Variants in EPHB1 observed in about 807,000 individuals in gnomAD.
EPHB1 encodes the protein EPH receptor B1.
Under a neutral mutation model 94.4 loss-of-function variants are expected in EPHB1, and 30 were observed. The observed-to-expected ratio is 0.32, with a 90% CI of 0.24 to 0.43. EPHB1 has a LOEUF of 0.43. Ranked by LOEUF, EPHB1 falls within the 20% of genes least tolerant of loss-of-function variation. The probability of loss-of-function intolerance (pLI) is 1.00; values close to 1 mark genes in which losing one functional copy is unlikely to be tolerated. For synonymous variants in EPHB1, 522 were observed against 489.1 expected (o/e 1.07, Z -0.89); for missense variants, 1,055 against 1,308.3 (o/e 0.81, Z 2.99).
At chr3:134,856,882 G>A (rs1257738706) in intron 1 of EPHB1, among the ~76,000 whole-genome samples, 1 of 152,220 alleles carries the variant, frequency 6.6e-6, no homozygotes, top group Non-Finnish European at 1.5e-5. Flanking sequence ...CTATTGGACA[G>A]CACTGTTTTA....
intron 3 of EPHB1, among the ~76,000 whole-genome samples, chr3:135,003,995 G>C (rs1935291502): frequency 6.6e-6 from 1 of 151,522 alleles, no homozygotes; most frequent in Non-Finnish European, 1.5e-5. Context: ...ATTTGATCCT[G>C]TCATTATGAT....
intron 13 of EPHB1, among the ~76,000 whole-genome samples, chr3:135,244,769 A>G (rs1316249699): frequency 6.6e-6 from 1 of 152,214 alleles, no homozygotes; most frequent in African/African-American, 2.4e-5. Context: ...AAACACGCAT[A>G]TCCTAAAGAA....
chr3:135,179,446 A>T (rs187637789), intron 9 of EPHB1, among the ~76,000 whole-genome samples: 2 of 152,192 alleles, frequency 1.3e-5, no homozygotes, highest in East Asian at 1.9e-4. Flanking sequence ...AGTGGCCTCC[A>T]CTCAGGAAAG....
chr3:134,968,247 T>G (rs1377555863), intron 3 of EPHB1, among the ~76,000 whole-genome samples: 2 of 152,174 alleles, frequency 1.3e-5, no homozygotes, highest in Admixed American at 1.3e-4. Context: ...GCAAAAGTCT[T>G]GACACCTTGC....
At chr3:135,052,421 A>G (rs771639911) in intron 3 of EPHB1, among the ~76,000 whole-genome samples, 3 of 152,102 alleles carry the variant, frequency 2.0e-5, no homozygotes, top group Non-Finnish European at 4.4e-5. Context: ...AAAGGAAACA[A>G]TGTTTGCTTT....
At chr3:135,165,818 G>A (rs369507552) in intron 7 of EPHB1, 150 bp from the exon 8 acceptor site, 27 of 508,956 alleles carry the variant, frequency 5.3e-5, no homozygotes, top group African/African-American at 4.9e-4. Flanking sequence ...AAAAATTGCT[G>A]TTTGTTTTGG....
chr3:135,091,667 A>G (rs1347590070), intron 3 of EPHB1, among the ~76,000 whole-genome samples: 2 of 152,238 alleles, frequency 1.3e-5, no homozygotes, highest in Non-Finnish European at 2.9e-5. Context: ...AAGCTTCCCT[A>G]AGAGAAGAGT....
intron 1 of EPHB1, among the ~76,000 whole-genome samples, chr3:134,861,688 T>C (rs558841057): frequency 3.9e-5 from 6 of 152,096 alleles, no homozygotes; most frequent in Admixed American, 3.9e-4. Flanking sequence ...GGAAAATGTG[T>C]TTAGTACTGT....
intron 3 of EPHB1, among the ~76,000 whole-genome samples, chr3:135,018,108 G>A (rs139790642): frequency 1.3e-3 from 204 of 152,140 alleles, no homozygotes; most frequent in African/African-American, 4.3e-3. Flanking sequence ...AGTCTTTGAC[G>A]TAAAGGGGAA....
At position 134,832,660 on chromosome 3, in the gene EPHB1, C is replaced by T. The variant is rs559410542; in HGVS notation, c.58+36971C>T. ...GTCAATGGAAAACAATCTCACTTAT[C>T]ACAAATTGAAAGTGACAATAAACAT... On this transcript the variant is annotated intron_variant, in intron 1 of 15. Coordinates refer to ENST00000398015, the MANE Select transcript of EPHB1 (RefSeq NM_004441.5). Among the ~76,000 whole-genome samples, 8 of 152,306 alleles carry T rather than the reference C, an allele frequency of 5.3e-5. 1 individual carries two copies. The South Asian group carries it at 1.7e-3, about 32-fold the overall frequency.
At chr3:134,814,579 A>C (rs2036233231) in intron 1 of EPHB1, among the ~76,000 whole-genome samples, 1 of 152,124 alleles carries the variant, frequency 6.6e-6, no homozygotes, top group African/African-American at 2.4e-5. Context: ...AGGGCATAGG[A>C]ATTCTCTTCT....
At chr3:135,006,345 T>A (rs1180652344) in intron 3 of EPHB1, among the ~76,000 whole-genome samples, 2 of 152,222 alleles carry the variant, frequency 1.3e-5, no homozygotes, top group Non-Finnish European at 2.9e-5. Flanking sequence ...TATTGTTTAA[T>A]GAGTACAGAA....
chr3:134,887,177 C>G (rs1436566948), intron 1 of EPHB1, among the ~76,000 whole-genome samples: 1 of 152,008 alleles, frequency 6.6e-6, no homozygotes, highest in Admixed American at 6.6e-5. Context: ...GAGCTCCAAA[C>G]TGGTCTCACT....
At chr3:135,238,733 GTCTC>G (rs199779292) in intron 12 of EPHB1, among the ~76,000 whole-genome samples, 4 of 151,522 alleles carry the variant, frequency 2.6e-5, no homozygotes, top group Non-Finnish European at 5.9e-5. Context: ...CTCTGTCTCT[GTCTC>G]TCTCTCTCTC....
chr3:134,916,784 C>T (rs1009193219), intron 1 of EPHB1, among the ~76,000 whole-genome samples: 4 of 152,226 alleles, frequency 2.6e-5, no homozygotes, highest in African/African-American at 4.8e-5. Context: ...GCTCCGGCCT[C>T]GGCCAGCCCA....
At chr3:135,154,345 T>G in intron 6 of EPHB1, 69 bp downstream of exon 6, 5 of 1,600,202 alleles carry the variant, frequency 3.1e-6, no homozygotes, top group Non-Finnish European at 4.3e-6. Flanking sequence ...GGTTGCTAGC[T>G]GAAGGCACAA....
At chr3:134,844,706 C>T (rs987655031) in intron 1 of EPHB1, among the ~76,000 whole-genome samples, 2 of 152,194 alleles carry the variant, frequency 1.3e-5, no homozygotes, top group Admixed American at 6.5e-5. Context: ...ACCCACTATT[C>T]TTACTCAAAC....
chr3:134,934,859 A>G (rs1183796645), intron 2 of EPHB1, among the ~76,000 whole-genome samples: 1 of 152,226 alleles, frequency 6.6e-6, no homozygotes, highest in Middle Eastern at 3.2e-3. Context: ...TCAACAGAGC[A>G]GAGACATTTC....
intron 1 of EPHB1, among the ~76,000 whole-genome samples, chr3:134,861,369 C>A (rs955920325): frequency 1.1e-4 from 17 of 152,066 alleles, no homozygotes; most frequent in Admixed American, 9.2e-4. Context: ...CCTTGGCAGG[C>A]CTGTTTCCTG....
Sources: allele counts gnomAD v4.1 joint callset (sites outside exome capture counted in the v4.1 genomes callset), GRCh38; gene constraint gnomAD v4.1.1; transcripts MANE v1.5; gene names NCBI Gene and HGNC (gene_info 2026-07-23, HGNC 2026-07-21).